Variants in MAP3K4 observed in about 807,000 individuals in gnomAD.
MAP3K4 encodes the protein mitogen-activated protein kinase kinase kinase 4.
A neutral mutation model predicts 185.6 loss-of-function variants in MAP3K4; 67 were observed. That is an observed-to-expected ratio of 0.36 (90% confidence interval 0.30 to 0.44). The LOEUF (loss-of-function observed/expected upper bound fraction) is 0.44. Among genes scored for constraint, MAP3K4 ranks in the 20% least tolerant of loss-of-function variants. MAP3K4 has a pLI of 1.00. For synonymous variants in MAP3K4, 702 were observed against 710.4 expected, an observed-to-expected ratio of 0.99 and a Z score of 0.19; for missense variants, 1,551 against 1,995.1, an observed-to-expected ratio of 0.78 and a Z score of 4.24.
At position 161,067,480 on chromosome 6, in the gene MAP3K4, C is replaced by T. The variant is rs1784762166; in HGVS notation, c.1708-3128C>T. On this transcript the variant is annotated intron_variant, in intron 3 of 26. Coordinates refer to ENST00000392142, the MANE Select transcript of MAP3K4 (RefSeq NM_005922.4). The surrounding 1 kb of genome is among the most constrained non-coding windows in gnomAD (Gnocchi z 6.3). ...ATTTGTTTTCCTTTCACAACCCTGA[C>T]CACATTTATTACAAGTAATTATTTT... Among the ~76,000 whole-genome samples the T allele has an allele frequency of 6.6e-6, 1 of 152,130 alleles. No homozygotes were observed. The highest frequency in any genetic ancestry group is 1.5e-5 in the Non-Finnish European group (1 of 68,032).
intron 1 of MAP3K4, among the ~76,000 whole-genome samples, chr6:161,024,312 A>G (rs1302910123): frequency 6.6e-6 from 1 of 152,188 alleles, no homozygotes. Flanking sequence ...AAGATAGTAC[A>G]TAGAATTCCC....
At chr6:161,046,378 TAAATA>T (rs1169898848) in intron 2 of MAP3K4, among the ~76,000 whole-genome samples, 1 of 152,084 alleles carries the variant, frequency 6.6e-6, no homozygotes, top group African/African-American at 2.4e-5. Context: ...TTTTTTTATA[TAAATA>T]AGAGTTGATA....
In MAP3K4 at chr6:161,100,188, C is replaced by T. The variant is rs563590939; in HGVS notation, c.3675-1704C>T. Among the ~76,000 whole-genome samples the T allele has an allele frequency of 5.9e-5, 9 of 152,252 alleles. No individual in the cohort carries two copies. The highest frequency in any genetic ancestry group is 2.1e-4 in the South Asian group (1 of 4,812). ...TCACAGTGAGCCTGGTTCATGGGCC[C>T]GTGAGTCACTGGTGGATTCGGCCCA... On this transcript the variant is annotated intron_variant, in intron 17 of 26. Coordinates refer to ENST00000392142, the MANE Select transcript of MAP3K4 (RefSeq NM_005922.4). The surrounding 1 kb of genome is among the most constrained non-coding windows in gnomAD (Gnocchi z 5.8).
chr6:161,040,637 T>C (rs1031635071), intron 2 of MAP3K4, among the ~76,000 whole-genome samples: 2 of 152,250 alleles, frequency 1.3e-5, no homozygotes, highest in Non-Finnish European at 2.9e-5. Flanking sequence ...CATCCTGACA[T>C]GAGTTGCACT....
chr6:161,032,852 G>A (rs1782993477), intron 1 of MAP3K4, among the ~76,000 whole-genome samples: 1 of 151,938 alleles, frequency 6.6e-6, no homozygotes, highest in Non-Finnish European at 1.5e-5. Flanking sequence ...AGCTTTCAGG[G>A]CATTTAACTC....
At chr6:161,005,004 A>G (rs560499235) in intron 1 of MAP3K4, among the ~76,000 whole-genome samples, 82 of 152,164 alleles carry the variant, frequency 5.4e-4, no homozygotes, top group Non-Finnish European at 9.8e-4. Flanking sequence ...CTTTTTAAAA[A>G]CCTTATTTAA....
At chr6:160,998,308 AG>A (rs1420267895) in intron 1 of MAP3K4, among the ~76,000 whole-genome samples, 1 of 152,248 alleles carries the variant, frequency 6.6e-6, no homozygotes, top group African/African-American at 2.4e-5. Context: ...CATTTTAAAA[AG>A]TATGTGCATA....
rs776224207 is a variant in MAP3K4 at position 161,056,394 on chromosome 6, C to A, written c.1707+6415C>A. Among the ~76,000 whole-genome samples the A allele has an allele frequency of 2.0e-5, 3 of 152,288 alleles. No individual in the cohort carries two copies. In the South Asian group the frequency reaches 6.2e-4, roughly 32 times the overall value. ...TTCTCAGTGATAGAATTAGAACGTACAGGTATGTCTTCTAACCTGTGTATA... is the reference window on the plus strand; with the variant it reads ...TTCTCAGTGATAGAATTAGAACGTAAAGGTATGTCTTCTAACCTGTGTATA... On this transcript the variant is annotated intron_variant, in intron 3 of 26. Transcript: ENST00000392142. The surrounding 1 kb of genome is among the most constrained non-coding windows in gnomAD (Gnocchi z 5.4).
chr6:161,080,760 G>A lies in MAP3K4; in HGVS notation c.2098-121G>A, dbSNP rs1382459830. The A allele has an allele frequency of 1.7e-5, 13 of 766,292 alleles. No individual in the cohort carries two copies. The highest frequency in any genetic ancestry group is 7.2e-5 in the Admixed American group (3 of 41,884). 47.5% of individuals were successfully genotyped at this position (766,292 alleles called of 1,614,324 possible). The stretch of plus-strand genomic sequence containing the variant: ...AGAACCTTGCTTCTGTCGGTGCTGC[G>A]TGCCTGTGACAGCCCCCGGCCCGCC... On this transcript the variant is annotated intron_variant, in intron 5 of 26. Transcript: ENST00000392142. The surrounding 1 kb of genome is among the most constrained non-coding windows in gnomAD (Gnocchi z 4.8).
intron 19 of MAP3K4, among the ~76,000 whole-genome samples, chr6:161,104,121 T>C (rs1309948525): frequency 6.6e-6 from 1 of 152,104 alleles, no homozygotes; most frequent in Non-Finnish European, 1.5e-5. Flanking sequence ...CATTGACATA[T>C]TAAAGACCAA....
intron 1 of MAP3K4, among the ~76,000 whole-genome samples, chr6:161,030,757 A>C (rs1782889605): frequency 6.6e-6 from 1 of 152,112 alleles, no homozygotes; most frequent in South Asian, 2.1e-4. Context: ...AATGTTATTT[A>C]TTAGGTGCTA....
Position 161,107,348 on chromosome 6 carries a change from C to G in MAP3K4, c.4049-551C>G, listed in dbSNP as rs535310009. Among the ~76,000 whole-genome samples, 5 of 152,224 alleles carry G rather than the reference C, an allele frequency of 3.3e-5. No homozygotes were observed. In the South Asian group the frequency reaches 1.0e-3, roughly 32 times the overall value. ...GAGGAAACCTGATGTTTCCTTGGAG[C>G]TATCAAGGAGGGCAAAAACCACTGA... is the stretch of plus-strand genomic sequence containing the variant. On this transcript the variant is annotated intron_variant, in intron 20 of 26. Transcript: ENST00000392142. This position sits in a 1 kb window ranked among gnomAD's most constrained non-coding sequence, Gnocchi z 6.2.
At chr6:161,018,032 T>A (rs990010404) in intron 1 of MAP3K4, among the ~76,000 whole-genome samples, 5 of 152,210 alleles carry the variant, frequency 3.3e-5, no homozygotes, top group Non-Finnish European at 1.5e-5. Context: ...TACATGATAG[T>A]AATCCCTGAG....
At position 161,115,206 on chromosome 6, in the gene MAP3K4, A is replaced by T. The variant is rs754894475; in HGVS notation, c.4710A>T (p.Leu1570Phe). Residue 1570 changes from leucine (L) to phenylalanine (F), a missense_variant, in exon 26 of 27, where the codon TTA becomes TTT. Physicochemically the swap from Leu to Phe is conservative, Grantham distance 22 (BLOSUM62 0). Around this residue, in one of 16 missense-constraint regions of MAP3K4, gnomAD observed 159 missense variants for 300.5 expected, o/e 0.53. Coordinates refer to ENST00000392142, the MANE Select transcript of MAP3K4 (RefSeq NM_005922.4). The surrounding 1 kb of genome is among the most constrained non-coding windows in gnomAD (Gnocchi z 6.0). ...MGHKPPIPER[L>F]SPEGKDFLSH... is the part of the protein sequence containing the mutation. Reference sequence around the variant, plus strand: ...ATAAGCCACCAATCCCTGAAAGATTAAGCCCTGAAGGAAAGGACTTCCTTT... The same window carrying T: ...ATAAGCCACCAATCCCTGAAAGATTTAGCCCTGAAGGAAAGGACTTCCTTT... The T allele has an allele frequency of 1.9e-6, 3 of 1,614,044 alleles. No homozygotes were observed. The highest frequency in any genetic ancestry group is 3.3e-5 in the Admixed American group (2 of 60,010).
Position 161,107,048 on chromosome 6 carries a change from GCGCACACA to G in MAP3K4, c.4048+345_4048+352del, listed in dbSNP as rs1301670106. On this transcript the variant is annotated intron_variant, in intron 20 of 26. Coordinates refer to ENST00000392142, the MANE Select transcript of MAP3K4 (RefSeq NM_005922.4). This position sits in a 1 kb window ranked among gnomAD's most constrained non-coding sequence, Gnocchi z 6.2. The stretch of plus-strand genomic sequence containing the variant: ...TCTCTCTCTCTCTCTACACACGCGC[GCGCACACA>G]CACACACACACACACACACACACGC... 4.9e-3 allele frequency among the ~76,000 whole-genome samples: 695 copies of G among 141,094 alleles called. 4 individuals are homozygous for G. Among genetic ancestry groups the G allele is most frequent in the Non-Finnish European group, 5.5e-3 (345 of 62,698 alleles). 92.6% of individuals were successfully genotyped at this position (141,094 alleles called of 152,430 possible). A position where few individuals can be genotyped will look rare whatever the true frequency, so the allele number is the denominator to read the frequency against.
Position 161,010,237 on chromosome 6 carries a change from A to G in MAP3K4, c.152+18154A>G, listed in dbSNP as rs143032536. ...CCTGGTACTATATGCACCACATGAG[A>G]TGCCCAGGATGTTTGGTAAATAAAT... On this transcript the variant is annotated intron_variant, in intron 1 of 26. Coordinates refer to ENST00000392142, the MANE Select transcript of MAP3K4 (RefSeq NM_005922.4). Among the ~76,000 whole-genome samples, 606 of 152,308 alleles carry G rather than the reference A, an allele frequency of 4.0e-3. 3 individuals are homozygous for G. Among genetic ancestry groups the G allele is most frequent in the African/African-American group, 0.014 (589 of 41,568 alleles).
chr6:161,008,391 AGT>A lies in MAP3K4; in HGVS notation c.152+16321_152+16322del, dbSNP rs750133181. On this transcript the variant is annotated intron_variant, in intron 1 of 26. Coordinates refer to ENST00000392142, the MANE Select transcript of MAP3K4 (RefSeq NM_005922.4). This position sits in a 1 kb window ranked among gnomAD's most constrained non-coding sequence, Gnocchi z 4.1. The stretch of plus-strand genomic sequence containing the variant: ...CCTGGAAATATAATTACTATACCAA[AGT>A]GTGTGTGTGTGTAAATATATGTAAA... Among the ~76,000 whole-genome samples, 2 of 151,962 alleles carry A rather than the reference AGT, an allele frequency of 1.3e-5. No individual in the cohort carries two copies. The highest frequency in any genetic ancestry group is 2.9e-5 in the Non-Finnish European group (2 of 67,972).
Position 160,992,012 on chromosome 6 carries a change from A to AGCG in MAP3K4, c.81_82insGCG (p.Pro27_Pro28insAla). ...CCGCCGCCATGGAGGAGCCGCCGCC[A>AGCG]CCGCCGCCGCCGCCACCACCGCCAC... On this transcript the variant is annotated inframe_insertion, in exon 1 of 27. Coordinates refer to ENST00000392142, the MANE Select transcript of MAP3K4 (RefSeq NM_005922.4). 3 of 1,539,728 alleles carry AGCG rather than the reference A, an allele frequency of 1.9e-6. No individual in the cohort carries two copies. The highest frequency in any genetic ancestry group is 2.6e-6 in the Non-Finnish European group (3 of 1,150,118).
intron 2 of MAP3K4, among the ~76,000 whole-genome samples, chr6:161,041,919 TTTTTTTC>T (rs1228091666): frequency 1.7e-5 from 1 of 59,436 alleles, no homozygotes; most frequent in African/African-American, 6.5e-5. Context: ...TTTCTTTTTT[TTTTTTTC>T]TTTTTTTTTT....
Sources: gnomAD v4.1 joint callset for allele counts (sites outside exome capture counted in the v4.1 genomes callset) on GRCh38, gnomAD v4.1.1 for gene constraint, gnomAD v4.1.1 regional missense constraint, Gnocchi (gnomAD v3.1) non-coding constraint, MANE v1.5 for transcripts, NCBI Gene and HGNC (gene_info 2026-07-23, HGNC 2026-07-21) for gene names.